The following TNIK variants were observed in gnomAD, a reference collection of about 807,000 sequenced individuals.
TNIK encodes the protein TRAF2 and NCK interacting kinase.
Under a neutral mutation model 191.3 loss-of-function variants are expected in TNIK, and 49 were observed. The observed-to-expected ratio is 0.26, with a 90% CI of 0.20 to 0.32. TNIK has a LOEUF of 0.32. TNIK is among the 10% of genes least tolerant of loss of function. TNIK has a pLI of 1.00. For missense variants in TNIK, 1,155 were observed against 1,702.3 expected, an observed-to-expected ratio of 0.68 and a Z score of 5.66; for synonymous variants, 594 against 600.9, an observed-to-expected ratio of 0.99 and a Z score of 0.17.
rs569221776 is a variant in TNIK at position 171,227,673 on chromosome 3, A to G, written c.180+492T>C. Among the ~76,000 whole-genome samples, 19 of 152,312 alleles carry G rather than the reference A, an allele frequency of 1.2e-4. No individual in the cohort carries two copies. The South Asian group carries it at 3.9e-3, about 32-fold the overall frequency. On this transcript the variant is annotated intron_variant, in intron 3 of 32. Coordinates refer to ENST00000436636, the MANE Select transcript of TNIK (RefSeq NM_015028.4). ...CTGCATACTCTTCCTTATGTTAGCC[A>G]CAAGTGGGGAAAGATATTAGATATT...
chr3:171,362,574 C>G (rs1715139319), intron 2 of TNIK, among the ~76,000 whole-genome samples: 1 of 152,092 alleles, frequency 6.6e-6, no homozygotes, highest in Admixed American at 6.5e-5. Context: ...AAAGCAAGAC[C>G]ATGGGAAGAA....
At chr3:171,128,623 C>T (rs1450770385) in intron 16 of TNIK, 91 bp downstream of exon 16, 2 of 1,427,216 alleles carry the variant, frequency 1.4e-6, no homozygotes, top group Non-Finnish European at 9.3e-7. Flanking sequence ...GATCCTGTGC[C>T]TGAATCCATG....
At chr3:171,134,219 T>A (rs868582166) in intron 15 of TNIK, among the ~76,000 whole-genome samples, 2 of 152,242 alleles carry the variant, frequency 1.3e-5, no homozygotes, top group Non-Finnish European at 2.9e-5. Flanking sequence ...AGTACATACC[T>A]GACATCCATC....
chr3:171,296,701 A>G (rs1053626868), intron 2 of TNIK, among the ~76,000 whole-genome samples: 2 of 152,210 alleles, frequency 1.3e-5, no homozygotes, highest in Non-Finnish European at 2.9e-5. Flanking sequence ...AAATATTGAT[A>G]ATTATTGAAG....
intron 3 of TNIK, among the ~76,000 whole-genome samples, chr3:171,222,931 A>C (rs958059526): frequency 6.8e-6 from 1 of 147,228 alleles, no homozygotes. Flanking sequence ...TTAAAAAAAG[A>C]AAAGAAAAGA....
intron 1 of TNIK, among the ~76,000 whole-genome samples, chr3:171,453,084 C>T (rs1424900509): frequency 6.6e-6 from 1 of 152,208 alleles, no homozygotes; most frequent in East Asian, 1.9e-4. Context: ...ACTCTCTCTA[C>T]ATAGCACCAC....
At chr3:171,182,169 T>G (rs1736739033) in intron 7 of TNIK, among the ~76,000 whole-genome samples, 1 of 9,656 alleles carries the variant, frequency 1.0e-4, no homozygotes, top group South Asian at 4.9e-3. Flanking sequence ...TTGTTAGGAT[T>G]TTTTTTTTTT....
intron 18 of TNIK, among the ~76,000 whole-genome samples, chr3:171,121,538 C>T (rs1727744372): frequency 6.6e-6 from 1 of 152,200 alleles, no homozygotes; most frequent in Non-Finnish European, 1.5e-5. Flanking sequence ...TGGAAGACCA[C>T]GTGGAGCAAG....
At chr3:171,315,568 T>C (rs761497814) in intron 2 of TNIK, among the ~76,000 whole-genome samples, 1 of 152,102 alleles carries the variant, frequency 6.6e-6, no homozygotes, top group Non-Finnish European at 1.5e-5. Flanking sequence ...AGAAATGCAT[T>C]CTCTCACAGT....
At chr3:171,243,385 A>T (rs111510900) in intron 2 of TNIK, among the ~76,000 whole-genome samples, 176 of 152,226 alleles carry the variant, frequency 1.2e-3, no homozygotes, top group African/African-American at 4.1e-3. Flanking sequence ...CTTATGAAGA[A>T]AATCTAATTT....
chr3:171,426,593 A>C (rs552837418), intron 1 of TNIK, among the ~76,000 whole-genome samples: 93 of 152,240 alleles, frequency 6.1e-4, no homozygotes, highest in African/African-American at 2.0e-3. Context: ...ATGTATACAA[A>C]ATTATTTTAA....
intron 2 of TNIK, among the ~76,000 whole-genome samples, chr3:171,309,004 C>T (rs1356987897): frequency 6.6e-6 from 1 of 152,108 alleles, no homozygotes; most frequent in Non-Finnish European, 1.5e-5. Flanking sequence ...TCTCAAAGCA[C>T]TTAAAAACAG....
intron 2 of TNIK, among the ~76,000 whole-genome samples, chr3:171,290,358 C>T (rs1263070969): frequency 6.6e-6 from 1 of 152,154 alleles, no homozygotes; most frequent in East Asian, 1.9e-4. Flanking sequence ...TCATTAACTA[C>T]AGAGAGGGTT....
chr3:171,083,815 A>G (rs1159051436), intron 26 of TNIK, among the ~76,000 whole-genome samples: 1 of 152,160 alleles, frequency 6.6e-6, no homozygotes, highest in African/African-American at 2.4e-5. Flanking sequence ...AGTGCCAGAC[A>G]CAAATCGCCT....
At chr3:171,303,248 G>A (rs1223801240) in intron 2 of TNIK, among the ~76,000 whole-genome samples, 3 of 152,112 alleles carry the variant, frequency 2.0e-5, no homozygotes, top group Non-Finnish European at 4.4e-5. Flanking sequence ...TTAAGTTGGA[G>A]ACAGTCAGCC....
Position 171,161,263 on chromosome 3 carries a change from C to T in TNIK, c.1016+7G>A, listed in dbSNP as rs745551301. On this transcript the variant is annotated splice_region_variant and intron_variant, in intron 11 of 32. Transcript: ENST00000436636. Reference sequence around the variant, plus strand: ...AACATTAGAAGACTTGGCTTTTGCTCTCATACCTGGGCTCTCCTGAGTCAT... The same window carrying T: ...AACATTAGAAGACTTGGCTTTTGCTTTCATACCTGGGCTCTCCTGAGTCAT... 6 of 1,612,444 alleles carry T rather than the reference C, an allele frequency of 3.7e-6. No individual in the cohort carries two copies. The Admixed American group carries it at 8.3e-5, about 22-fold the overall frequency.
chr3:171,355,742 C>T lies in TNIK; in HGVS notation c.123+13878G>A, dbSNP rs776699238. Among the ~76,000 whole-genome samples, 9 of 152,074 alleles carry T rather than the reference C, an allele frequency of 5.9e-5. No individual in the cohort carries two copies. The South Asian group carries it at 1.0e-3, about 18-fold the overall frequency. ...TGAATAATGTGATCCTTAATGGAAA[C>T]GGAAATAGAGAGTCACAGGTATTCC... On this transcript the variant is annotated intron_variant, in intron 2 of 32. Coordinates refer to ENST00000436636, the MANE Select transcript of TNIK (RefSeq NM_015028.4).
chr3:171,322,306 A>G (rs1160260895), intron 2 of TNIK, among the ~76,000 whole-genome samples: 1 of 152,110 alleles, frequency 6.6e-6, no homozygotes, highest in Non-Finnish European at 1.5e-5. Context: ...TACATTACTA[A>G]TTAATTTTAA....
intron 3 of TNIK, among the ~76,000 whole-genome samples, chr3:171,227,952 A>G (rs747676860): frequency 1.3e-5 from 2 of 152,238 alleles, no homozygotes; most frequent in Non-Finnish European, 2.9e-5. Flanking sequence ...GCTTTGTGAT[A>G]AATGACTTTG....
Sources: gnomAD v4.1 joint callset for allele counts (sites outside exome capture counted in the v4.1 genomes callset) on GRCh38, gnomAD v4.1.1 for gene constraint, MANE v1.5 for transcripts, NCBI Gene and HGNC (gene_info 2026-07-23, HGNC 2026-07-21) for gene names.